Variants in CHD8 observed in about 807,000 individuals in gnomAD.
The protein encoded by CHD8 is ATP-dependent chromatin remodeler CHD8.
Under a neutral mutation model 279.2 loss-of-function variants are expected in CHD8, and 31 were observed. That is an observed-to-expected ratio of 0.11 (90% CI 0.08 to 0.15). The LOEUF (loss-of-function observed/expected upper bound fraction) is 0.15, where lower values mean the gene tolerates loss of function less well. Among genes scored for constraint, CHD8 ranks in the 10% least tolerant of loss-of-function variants. The pLI is 1.00. For missense variants in CHD8, 2,146 were observed against 3,230.5 expected, an observed-to-expected ratio of 0.66 and a Z score of 8.14; for synonymous variants, 1,081 against 1,139.6, an observed-to-expected ratio of 0.95 and a Z score of 1.04.
chr14:21,406,999 C>T lies in CHD8; in HGVS notation c.2764G>A (p.Ala922Thr), dbSNP rs1013103711. 8.8e-6 allele frequency: 14 copies of T among 1,597,686 alleles called. No individual in the cohort carries two copies. The highest frequency in any genetic ancestry group is 2.3e-5 in the East Asian group (1 of 44,320). ...RLIPGAYKFD[A>T]LITTFEMILS... is the part of the protein sequence containing the mutation. The stretch of plus-strand genomic sequence containing the variant: ...ATCATCTCAAAAGTGGTGATCAGAG[C>T]GTCAAACTTGTATGCGCCTGGGATG... The change falls in exon 14 of 38, where the codon GCT (alanine) becomes ACT (threonine). Residue 922 changes from alanine to threonine, a missense_variant. Ala to Thr is a moderately conservative substitution (Grantham distance 58). Transcript: ENST00000646647.
In CHD8 at chr14:21,391,531, G is replaced by A. The variant is rs1887539639; in HGVS notation, c.6997C>T (p.Arg2333Cys). The A allele has an allele frequency of 7.4e-6, 12 of 1,613,844 alleles. No individual in the cohort carries two copies. The highest frequency in any genetic ancestry group is 1.3e-5 in the African/African-American group (1 of 75,030). The change falls in exon 36 of 38, where the codon CGC becomes TGC. Residue 2333 changes from arginine to cysteine, a missense_variant. This residue lies in a region of CHD8 where 336 missense variants were observed against 392.9 expected (regional missense o/e 0.86). Transcript: ENST00000646647. ...GTLLVGEDAPRRAELEMWLQG... is the reference protein window; with the variant it reads ...GTLLVGEDAPCRAELEMWLQG... Reference sequence around the variant, plus strand: ...AACCACATCTCCAGTTCAGCCCGGCGAGGGGCATCCTCACCCACCAGCAAA... The same window carrying A: ...AACCACATCTCCAGTTCAGCCCGGCAAGGGGCATCCTCACCCACCAGCAAA...
In CHD8 at chr14:21,391,828, C is replaced by T. The variant is rs1228509642; in HGVS notation, c.6885+5G>A. Reference sequence around the variant, plus strand: ...GTCAGGTTAAAGACTTTCTCTACCACTCACCTCTACTAGCTTCTTTCTGTT... The same window carrying T: ...GTCAGGTTAAAGACTTTCTCTACCATTCACCTCTACTAGCTTCTTTCTGTT... On this transcript the variant is annotated splice_donor_5th_base_variant and intron_variant, in intron 35 of 37. Coordinates refer to ENST00000646647, the MANE Select transcript of CHD8 (RefSeq NM_001170629.2). 6.3e-7 allele frequency: 1 copy of T among 1,598,606 alleles called. No individual in the cohort carries two copies. Among genetic ancestry groups the T allele is most frequent in the Admixed American group, 1.7e-5 (1 of 60,006 alleles).
intron 10 of CHD8, among the ~76,000 whole-genome samples, chr14:21,412,099 A>G (rs1888521327): frequency 6.6e-6 from 1 of 152,202 alleles, no homozygotes; most frequent in South Asian, 2.1e-4. Context: ...GAAAAAAGAG[A>G]AAAATAAACT....
chr14:21,389,847 A>G (rs905907032), intron 37 of CHD8, among the ~76,000 whole-genome samples: 1 of 152,200 alleles, frequency 6.6e-6, no homozygotes, highest in African/African-American at 2.4e-5. Context: ...CATTACTGAC[A>G]TATTATTAGT....
chr14:21,422,826 G>A (rs529022225), intron 5 of CHD8, among the ~76,000 whole-genome samples: 1 of 152,312 alleles, frequency 6.6e-6, no homozygotes, highest in African/African-American at 2.4e-5. Context: ...CTACTCAGGA[G>A]GCTGAGGTAG....
chr14:21,396,786 A>C (rs1171104621), intron 27 of CHD8: 2 of 151,920 alleles, frequency 1.3e-5, no homozygotes, highest in African/African-American at 4.8e-5. Context: ...CTTATTTGCC[A>C]TGCTGGTCTC....
In CHD8 at chr14:21,400,841, A is replaced by T. The variant is rs1887998607; in HGVS notation, c.4370+34T>A. 2 of 1,561,080 alleles carry T rather than the reference A, an allele frequency of 1.3e-6. No homozygotes were observed. Among genetic ancestry groups the T allele is most frequent in the African/African-American group, 2.7e-5 (2 of 73,332 alleles). On this transcript the variant is annotated intron_variant, in intron 22 of 37. Transcript: ENST00000646647. The surrounding 1 kb of genome is among the most constrained non-coding windows in gnomAD (Gnocchi z 4.2). ...GTATCTATCAGGATGGAGATGCACT[A>T]TGCACTACCTCTAATGGTAAGTTGG... is the stretch of plus-strand genomic sequence containing the variant.
intron 37 of CHD8, among the ~76,000 whole-genome samples, chr14:21,389,601 ACT>A (rs1566408013): frequency 1.3e-5 from 2 of 152,266 alleles, no homozygotes; most frequent in Non-Finnish European, 2.9e-5. Context: ...ACAGGGCAAG[ACT>A]CTGTCTCAAA....
At position 21,428,151 on chromosome 14, in the gene CHD8, G is replaced by A. The variant is rs753432637; in HGVS notation, c.1319C>T (p.Ser440Leu). ...LSSPASSAPH[S>L]GGKTGMEENR... is the part of the protein sequence containing the mutation. ...TTCCTCCATTCCTGTCTTTCCCCCC[G>A]AATGAGGAGCAGAGCTTGCTGGTGA... Residue 440 changes from serine (S) to leucine (L), a missense_variant, in exon 4 of 38, where the codon TCG becomes TTG. Around this residue, in one of 26 missense-constraint regions of CHD8, gnomAD observed 170 missense variants for 189.9 expected, o/e 0.90. Transcript: ENST00000646647. 29 of 1,613,782 alleles carry A rather than the reference G, an allele frequency of 1.8e-5. No homozygotes were observed. In the Admixed American group the frequency reaches 1.8e-4, roughly 10 times the overall value.
chr14:21,400,868 G>T lies in CHD8; in HGVS notation c.4370+7C>A. On this transcript the variant is annotated splice_region_variant and intron_variant, in intron 22 of 37. Transcript: ENST00000646647. This position sits in a 1 kb window ranked among gnomAD's most constrained non-coding sequence, Gnocchi z 4.2. Reference sequence around the variant, plus strand: ...GCACTACCTCTAATGGTAAGTTGGGGTCTTACCCATATACCAGGAGATGCT... The same window carrying T: ...GCACTACCTCTAATGGTAAGTTGGGTTCTTACCCATATACCAGGAGATGCT... 1.2e-6 allele frequency: 2 copies of T among 1,603,010 alleles called. No homozygotes were observed. The highest frequency in any genetic ancestry group is 1.3e-5 in the African/African-American group (1 of 74,800).
In CHD8 at chr14:21,441,686, A is replaced by T. The variant is rs192607208; in HGVS notation, c.-215-9828T>A. On this transcript the variant is annotated intron_variant, in intron 1 of 37. Transcript: ENST00000646647. ...GGCATATCACGAGGTCAGGAGATGG[A>T]GACCATCCTGGCTAACACGGTGAAA... 6.6e-3 allele frequency among the ~76,000 whole-genome samples: 1,010 copies of T among 152,148 alleles called. 16 individuals are homozygous for T. The highest frequency in any genetic ancestry group is 0.022 in the African/African-American group (932 of 41,498).
intron 37 of CHD8, among the ~76,000 whole-genome samples, chr14:21,390,607 A>G (rs1887483114): frequency 6.6e-6 from 1 of 152,092 alleles, no homozygotes; most frequent in South Asian, 2.1e-4. Context: ...GTGAAACCCA[A>G]TCTTTACTAA....
chr14:21,428,520 A>G (rs1225009122), intron 3 of CHD8, among the ~76,000 whole-genome samples: 2 of 152,174 alleles, frequency 1.3e-5, no homozygotes, highest in Non-Finnish European at 2.9e-5. Context: ...TACCTCAGAA[A>G]AATTACAACT....
chr14:21,439,283 A>G (rs1348682957), intron 1 of CHD8, among the ~76,000 whole-genome samples: 5 of 152,184 alleles, frequency 3.3e-5, no homozygotes, highest in African/African-American at 1.2e-4. Context: ...TAGCATTACC[A>G]CTGTCGCTAA....
chr14:21,394,282 C>G lies in CHD8; in HGVS notation c.5594G>C (p.Gly1865Ala). The change falls in exon 31 of 38, where the codon GGA becomes GCA. Residue 1865 changes from glycine to alanine, a missense_variant. By Grantham distance (60) the Gly-to-Ala change is moderately conservative. Coordinates refer to ENST00000646647, the MANE Select transcript of CHD8 (RefSeq NM_001170629.2). ...RQVCRLPPAAGDEPPDPNLFI... is the reference protein window; with the variant it reads ...RQVCRLPPAAADEPPDPNLFI... ...CACTCTGCAATCTTGCTTACCATCT[C>G]CAGCTGCTGGGGGAAGGCGGCATAC... 1.2e-6 allele frequency: 2 copies of G among 1,613,962 alleles called. No individual in the cohort carries two copies. Among genetic ancestry groups the G allele is most frequent in the Non-Finnish European group, 1.7e-6 (2 of 1,179,882 alleles).
At chr14:21,418,946 G>T (rs2139509182) in intron 5 of CHD8, among the ~76,000 whole-genome samples, 1 of 152,300 alleles carries the variant, frequency 6.6e-6, no homozygotes. Context: ...GGGAGTACAG[G>T]GGAACTTACT....
chr14:21,392,972 T>TA (rs1887615690), intron 33 of CHD8, 134 bp downstream of exon 33: 2 of 867,544 alleles, frequency 2.3e-6, no homozygotes, highest in Non-Finnish European at 3.2e-6. Context: ...GGAAGTTTCC[T>TA]GGAAAAAAAA....
chr14:21,403,179 T>C lies in CHD8; in HGVS notation c.3552A>G (p.Arg1184=), dbSNP rs1888107102. 3.1e-6 allele frequency: 5 copies of C among 1,613,818 alleles called. No homozygotes were observed. In the South Asian group the frequency reaches 4.4e-5, roughly 14 times the overall value. The part of the protein sequence containing the change: ...YLYERIDGRV[R]GNLRQAAIDR... ...CAATGGCAGCCTGTCGAAGGTTGCCTCTAACTCGCCCATCAATACGTTCAT... is the reference window on the plus strand; with the variant it reads ...CAATGGCAGCCTGTCGAAGGTTGCCCCTAACTCGCCCATCAATACGTTCAT... Residue 1184 remains arginine, a synonymous_variant, in exon 18 of 38, where the codon AGA becomes AGG. Coordinates refer to ENST00000646647, the MANE Select transcript of CHD8 (RefSeq NM_001170629.2). This position sits in a 1 kb window ranked among gnomAD's most constrained non-coding sequence, Gnocchi z 4.3.
intron 1 of CHD8, chr14:21,436,883 G>A (rs1889802451): frequency 8.9e-7 from 1 of 1,129,262 alleles, no homozygotes; most frequent in Non-Finnish European, 1.2e-6. Flanking sequence ...GGGGGTGGGG[G>A]GGACCCGGGT....
Sources: gnomAD v4.1 joint callset for allele counts (sites outside exome capture counted in the v4.1 genomes callset) on GRCh38, gnomAD v4.1.1 for gene constraint, gnomAD v4.1.1 regional missense constraint, Gnocchi (gnomAD v3.1) non-coding constraint, MANE v1.5 for transcripts, NCBI Gene and HGNC (gene_info 2026-07-23, HGNC 2026-07-21) for gene names.